ELMOD1: variants seen among roughly 807,000 people sequenced by gnomAD.
ELMOD1 encodes ELMO domain containing 1.
Under a neutral mutation model 46.7 loss-of-function variants are expected in ELMOD1, and 21 were observed. The ratio of observed to expected loss-of-function variants is 0.45; its 90% CI spans 0.32 to 0.65. The LOEUF (loss-of-function observed/expected upper bound fraction) is 0.65. Among genes scored for constraint, ELMOD1 ranks in the 30% least tolerant of loss-of-function variants. The probability of loss-of-function intolerance (pLI) is 0.04; values close to 1 mark genes in which losing one functional copy is unlikely to be tolerated. For missense variants in ELMOD1, 348 were observed against 407.8 expected (o/e 0.85, Z 1.26); for synonymous variants, 122 against 138.2 (o/e 0.88, Z 0.82).
At position 107,665,243 on chromosome 11, in the gene ELMOD1, G is replaced by A. The variant is rs777147796; in HGVS notation, c.*46G>A. On this transcript the variant is annotated 3_prime_UTR_variant, in exon 12 of 12. Transcript: ENST00000265840. Reference sequence around the variant, plus strand: ...GGATACCCTGGAACACTGCCTCATTGTCTTGTTAGATCTCTGCTTAGGTCG... The same window carrying A: ...GGATACCCTGGAACACTGCCTCATTATCTTGTTAGATCTCTGCTTAGGTCG... The A allele has an allele frequency of 7.6e-6, 12 of 1,588,612 alleles. No homozygotes were observed. The highest frequency in any genetic ancestry group is 4.3e-6 in the Non-Finnish European group (5 of 1,162,648).
intron 6 of ELMOD1, among the ~76,000 whole-genome samples, chr11:107,639,199 T>C (rs1376106472): frequency 6.6e-6 from 1 of 152,126 alleles, no homozygotes; most frequent in Non-Finnish European, 1.5e-5. Context: ...AAAAGCGTGT[T>C]TGCTGATCCC....
chr11:107,660,641 CT>C (rs1866722792), intron 11 of ELMOD1, among the ~76,000 whole-genome samples: 1 of 152,206 alleles, frequency 6.6e-6, no homozygotes, highest in African/African-American at 2.4e-5. Context: ...CAGCTTCCAG[CT>C]GTACCTGTTA....
chr11:107,643,368 GAAAAAA>G, intron 6 of ELMOD1: 2 of 166,090 alleles, frequency 1.2e-5, no homozygotes, highest in Non-Finnish European at 2.3e-5. Flanking sequence ...CTCCATCTAG[GAAAAAA>G]AAAAAAAAAA....
chr11:107,624,008 A>G (rs1865999541), intron 2 of ELMOD1: 1 of 152,214 alleles, frequency 6.6e-6, no homozygotes, highest in Admixed American at 6.5e-5. Context: ...ATTTGTTCAC[A>G]ATACTGAGCA....
chr11:107,595,586 A>G (rs907184649), intron 1 of ELMOD1, among the ~76,000 whole-genome samples: 12 of 152,196 alleles, frequency 7.9e-5, no homozygotes, highest in African/African-American at 2.7e-4. Context: ...TATCACCCAG[A>G]GAGAACCTTA....
chr11:107,620,332 A>G lies in ELMOD1; in HGVS notation c.17+2126A>G, dbSNP rs1446468267. On this transcript the variant is annotated intron_variant, in intron 2 of 11. Transcript: ENST00000265840. ...TGTGGGAAAAAATGGATTTTGATCT[A>G]CATTTAGGATACATGATACCCAATT... 3.9e-5 allele frequency: 6 copies of G among 152,356 alleles called. No homozygotes were observed. In the South Asian group the frequency reaches 8.3e-4, roughly 21 times the overall value. 9.4% of individuals were successfully genotyped at this position (152,356 alleles called of 1,614,324 possible).
rs545899899 is a variant in ELMOD1, at chr11:107,603,570, A to C, written c.-86+12161A>C. Reference sequence around the variant, plus strand: ...ACAAAACCAACAACAACAACAACAAAACCTTTCAACCAAGCCTCTATTTTG... The same window carrying C: ...ACAAAACCAACAACAACAACAACAACACCTTTCAACCAAGCCTCTATTTTG... On this transcript the variant is annotated intron_variant, in intron 1 of 11. Coordinates refer to ENST00000265840, the MANE Select transcript of ELMOD1 (RefSeq NM_018712.4). Among the ~76,000 whole-genome samples the C allele has an allele frequency of 1.3e-3, 194 of 151,528 alleles. 2 individuals are homozygous for C. Among genetic ancestry groups the C allele is most frequent in the South Asian group, 0.012 (56 of 4,794 alleles).
intron 1 of ELMOD1, among the ~76,000 whole-genome samples, chr11:107,599,571 A>G (rs1228925813): frequency 6.6e-6 from 1 of 151,702 alleles, no homozygotes; most frequent in African/African-American, 2.4e-5. Flanking sequence ...GTGAAACCTG[A>G]TCTCTACTAC....
chr11:107,598,845 T>C (rs1865538859), intron 1 of ELMOD1, among the ~76,000 whole-genome samples: 1 of 152,254 alleles, frequency 6.6e-6, no homozygotes. Flanking sequence ...CTAGCCCACC[T>C]GGAGATTTTG....
chr11:107,625,688 G>A (rs1043633509), intron 2 of ELMOD1, among the ~76,000 whole-genome samples: 1 of 152,148 alleles, frequency 6.6e-6, no homozygotes, highest in African/African-American at 2.4e-5. Context: ...GATCCATTTC[G>A]AATAATTTAC....
intron 5 of ELMOD1, among the ~76,000 whole-genome samples, chr11:107,632,403 T>A (rs1337878204): frequency 6.6e-6 from 1 of 152,188 alleles, no homozygotes; most frequent in African/African-American, 2.4e-5. Flanking sequence ...GAACTTTAGA[T>A]GTTACCTTTG....
chr11:107,599,755 A>AAAAAC, intron 1 of ELMOD1, among the ~76,000 whole-genome samples: 1 of 138,892 alleles, frequency 7.2e-6, no homozygotes, highest in African/African-American at 3.0e-5. Context: ...AAAAAAAGAA[A>AAAAAC]AAAAGAAAAG....
chr11:107,591,472 T>G, intron 1 of ELMOD1, 63 bp downstream of exon 1: 1 of 191,882 alleles, frequency 5.2e-6, no homozygotes, highest in South Asian at 8.0e-5. Flanking sequence ...AGGAGAGAGG[T>G]GCGGCGAGGA....
chr11:107,661,048 A>G (rs150778150), intron 11 of ELMOD1, among the ~76,000 whole-genome samples: 68 of 152,302 alleles, frequency 4.5e-4, no homozygotes, highest in African/African-American at 1.5e-3. Context: ...TGATTATAAT[A>G]TGCACCTTGG....
At chr11:107,654,255 C>G in intron 10 of ELMOD1, 33 bp downstream of exon 10, 2 of 1,561,218 alleles carry the variant, frequency 1.3e-6, no homozygotes, top group South Asian at 1.2e-5. Flanking sequence ...AAAGATGGTC[C>G]GTCTGAAACA....
intron 4 of ELMOD1, 49 bp downstream of exon 4, chr11:107,630,777 C>A (rs747667925): frequency 6.5e-7 from 1 of 1,544,748 alleles, no homozygotes; most frequent in African/African-American, 1.4e-5. Context: ...GGAAGCTTAC[C>A]TTTATCATAA....
chr11:107,593,320 A>G (rs922067158), intron 1 of ELMOD1: 5 of 152,280 alleles, frequency 3.3e-5, no homozygotes, highest in African/African-American at 1.2e-4. Flanking sequence ...TAACTGAGGC[A>G]TGATAATAAC....
At chr11:107,632,913 T>C (rs2135690897) in intron 5 of ELMOD1, among the ~76,000 whole-genome samples, 1 of 152,308 alleles carries the variant, frequency 6.6e-6, no homozygotes, top group East Asian at 1.9e-4. Context: ...TGAGGATCCC[T>C]AATCTGAAAA....
chr11:107,659,408 TG>T (rs1866690077), intron 11 of ELMOD1, among the ~76,000 whole-genome samples: 1 of 151,796 alleles, frequency 6.6e-6, no homozygotes, highest in South Asian at 2.1e-4. Context: ...AGCTGCAGAG[TG>T]GGCATTCTCA....
Sources: allele counts gnomAD v4.1 joint callset (sites outside exome capture counted in the v4.1 genomes callset), GRCh38; gene constraint gnomAD v4.1.1; transcripts MANE v1.5; gene names NCBI Gene and HGNC (gene_info 2026-07-23, HGNC 2026-07-21).